PECR: variants seen among roughly 807,000 people sequenced by gnomAD.
PECR encodes 2,4-dienoyl-CoA reductase-related protein.
PECR carries 30 observed loss-of-function variants against 35.3 expected under a neutral mutation model. That is an observed-to-expected ratio of 0.85 (90% confidence interval 0.64 to 1.15). PECR has a LOEUF of 1.15. Ranked by LOEUF, PECR falls within the 50% of genes most tolerant of loss-of-function variation. PECR has a pLI of 0.00. For synonymous variants in PECR, 148 were observed against 138.9 expected (o/e 1.07, Z -0.46); for missense variants, 392 against 370.8 (o/e 1.06, Z -0.47).
chr2:216,075,174 A>G (rs1350260583), intron 1 of PECR, among the ~76,000 whole-genome samples: 2 of 152,162 alleles, frequency 1.3e-5, no homozygotes, highest in Admixed American at 1.3e-4. Context: ...AGGTTGAGGC[A>G]GGAGAATCAT....
intron 1 of PECR, among the ~76,000 whole-genome samples, chr2:216,080,309 C>A (rs1399133523): frequency 6.6e-6 from 1 of 152,180 alleles, no homozygotes; most frequent in Non-Finnish European, 1.5e-5. Context: ...CTCCTGACCT[C>A]AGGTTATCTG....
chr2:216,035,675 C>T (rs527824084), downstream of PECR, among the ~76,000 whole-genome samples: 38 of 151,988 alleles, frequency 2.5e-4, no homozygotes, highest in South Asian at 5.0e-3. Flanking sequence ...TTCATAGAGA[C>T]GGGGTTTCAC....
intron 1 of PECR, among the ~76,000 whole-genome samples, chr2:216,074,525 G>GAAGGAAGGAAGA (rs1226853751): frequency 3.2e-5 from 4 of 126,740 alleles, no homozygotes; most frequent in African/African-American, 1.8e-4. Context: ...AGGAAGGAAG[G>GAAGGAAGGAAGA]AAGGAAGGAA....
chr2:216,056,435 T>C (rs1695226037), intron 4 of PECR, among the ~76,000 whole-genome samples: 1 of 151,808 alleles, frequency 6.6e-6, no homozygotes, highest in African/African-American at 2.4e-5. Flanking sequence ...AAATTGAAAA[T>C]ATCAGCCGGG....
chr2:216,043,147 G>A (rs1443185845), intron 7 of PECR, among the ~76,000 whole-genome samples: 5 of 141,102 alleles, frequency 3.5e-5, no homozygotes, highest in African/African-American at 8.0e-5. Context: ...TCACTCTGTC[G>A]CCCAGGCTAG....
At chr2:216,052,061 C>T (rs1695127113) in intron 4 of PECR, among the ~76,000 whole-genome samples, 1 of 152,184 alleles carries the variant, frequency 6.6e-6, no homozygotes, top group African/African-American at 2.4e-5. Flanking sequence ...TGGCAGGTAT[C>T]TGTAATCCCA....
chr2:216,053,524 G>A (rs1020363731), intron 4 of PECR, among the ~76,000 whole-genome samples: 3 of 152,114 alleles, frequency 2.0e-5, no homozygotes, highest in African/African-American at 7.2e-5. Context: ...GATTACAGAC[G>A]TGAGCCACCG....
At chr2:216,052,080 G>A (rs1695127359) in intron 4 of PECR, among the ~76,000 whole-genome samples, 1 of 152,192 alleles carries the variant, frequency 6.6e-6, no homozygotes, top group Admixed American at 6.5e-5. Flanking sequence ...CAGCTGTTCA[G>A]GAGGCTGAGG....
Position 216,039,119 on chromosome 2 carries a change from A to G in PECR, c.*156T>C. On this transcript the variant is annotated 3_prime_UTR_variant, in exon 8 of 8. Coordinates refer to ENST00000265322, the MANE Select transcript of PECR (RefSeq NM_018441.6). Reference sequence around the variant, plus strand: ...GACTCTGATTGGGACATAAGACTGTATATATTTCAGGAATAGTTTTTCCAT... The same window carrying G: ...GACTCTGATTGGGACATAAGACTGTGTATATTTCAGGAATAGTTTTTCCAT... The G allele has an allele frequency of 1.6e-6, 1 of 620,682 alleles. No homozygotes were observed. Among genetic ancestry groups the G allele is most frequent in the Admixed American group, 2.5e-5 (1 of 40,518 alleles). 38.4% of individuals were successfully genotyped at this position (620,682 alleles called of 1,614,324 possible).
At chr2:216,044,649 C>T (rs1052711151) in intron 6 of PECR, among the ~76,000 whole-genome samples, 8 of 152,072 alleles carry the variant, frequency 5.3e-5, no homozygotes, top group African/African-American at 1.9e-4. Flanking sequence ...TGAGCCAAGA[C>T]TGCACCACTA....
intron 7 of PECR, among the ~76,000 whole-genome samples, chr2:216,030,100 A>T (rs547408666): frequency 1.5e-4 from 23 of 152,358 alleles, no homozygotes; most frequent in African/African-American, 5.5e-4. Flanking sequence ...GTTATAAAGA[A>T]GATTTAGGTT....
Position 216,046,310 on chromosome 2 carries a change from A to ATATATT in PECR, c.715-2296_715-2295insAATATA, listed in dbSNP as rs1553560626. ...TATACATACATATATATATATATAT[A>ATATATT]TTTTTTTTTTTTTTTTTTTTGAGAA... is the stretch of plus-strand genomic sequence containing the variant. On this transcript the variant is annotated intron_variant, in intron 6 of 7. Transcript: ENST00000265322. 1.4e-3 allele frequency among the ~76,000 whole-genome samples: 138 copies of ATATATT among 96,942 alleles called. 1 individual carries two copies. The highest frequency in any genetic ancestry group is 5.0e-3 in the African/African-American group (107 of 21,580). The allele number at this position is 96,942 out of a possible 152,430, so 63.6% of individuals were successfully genotyped here.
rs765430572 is a variant in PECR at position 216,062,288 on chromosome 2, C to T, written c.424+3024G>A. ...TTCGAACTCCTGACCTCAAGTGATC[C>T]GCCCACCTCGGCCTTCCAAAGTGCT... On this transcript the variant is annotated intron_variant, in intron 3 of 7. Coordinates refer to ENST00000265322, the MANE Select transcript of PECR (RefSeq NM_018441.6). 2.6e-5 allele frequency among the ~76,000 whole-genome samples: 4 copies of T among 152,052 alleles called. No individual in the cohort carries two copies. The East Asian group carries it at 5.8e-4, about 22-fold the overall frequency.
At chr2:216,043,201 G>A (rs1395113974) in intron 7 of PECR, among the ~76,000 whole-genome samples, 3 of 151,168 alleles carry the variant, frequency 2.0e-5, no homozygotes, top group Non-Finnish European at 2.9e-5. Flanking sequence ...TCCGCCTCCC[G>A]GGTTCACACC....
At chr2:216,052,525 G>A (rs1360758928) in intron 4 of PECR, among the ~76,000 whole-genome samples, 2 of 152,090 alleles carry the variant, frequency 1.3e-5, no homozygotes, top group African/African-American at 4.8e-5. Context: ...TTTTTCTGTT[G>A]GCACTTTAAA....
At chr2:216,076,358 T>A (rs1478567978) in intron 1 of PECR, among the ~76,000 whole-genome samples, 1 of 152,090 alleles carries the variant, frequency 6.6e-6, no homozygotes, top group African/African-American at 2.4e-5. Flanking sequence ...CCACCACATG[T>A]GCCACAATGT....
chr2:216,073,716 A>AT (rs1394518425), intron 1 of PECR, among the ~76,000 whole-genome samples: 2 of 152,090 alleles, frequency 1.3e-5, no homozygotes, highest in African/African-American at 4.8e-5. Flanking sequence ...GACCACAGAT[A>AT]TTTACCTTTG....
chr2:216,048,781 T>C (rs2105948457), intron 6 of PECR, among the ~76,000 whole-genome samples: 1 of 142,206 alleles, frequency 7.0e-6, no homozygotes. Context: ...AGTTCAAGCC[T>C]GCAGTGAGCT....
chr2:216,065,201 G>A (rs1187330399), intron 3 of PECR, 111 bp downstream of exon 3: 1 of 808,622 alleles, frequency 1.2e-6, no homozygotes, highest in Non-Finnish European at 2.2e-6. Flanking sequence ...TGTTGTAAGT[G>A]AGAAAATCCA....
Sources: gnomAD v4.1 joint callset for allele counts (sites outside exome capture counted in the v4.1 genomes callset) on GRCh38, gnomAD v4.1.1 for gene constraint, MANE v1.5 for transcripts, NCBI Gene and HGNC (gene_info 2026-07-23, HGNC 2026-07-21) for gene names.